Variants in OS9 observed in about 807,000 individuals in gnomAD.
OS9 encodes OS9 endoplasmic reticulum lectin.
OS9 carries 58 observed loss-of-function variants against 84.7 expected under a neutral mutation model. The observed-to-expected ratio is 0.68, with a 90% CI of 0.55 to 0.85. The LOEUF (loss-of-function observed/expected upper bound fraction) is 0.85. Among genes scored for constraint, OS9 ranks in the 40% least tolerant of loss-of-function variants. The pLI is 0.00. For synonymous variants in OS9, 278 were observed against 320.8 expected (o/e 0.87, Z 1.43); for missense variants, 760 against 850.9 (o/e 0.89, Z 1.33).
intron 5 of OS9, among the ~76,000 whole-genome samples, chr12:57,711,591 C>T (rs919329242): frequency 5.9e-5 from 9 of 152,030 alleles, no homozygotes; most frequent in Admixed American, 2.6e-4. Flanking sequence ...GTGATCTGCC[C>T]TCCTTGGCCT....
At chr12:57,711,830 A>G (rs1173778560) in intron 5 of OS9, among the ~76,000 whole-genome samples, 1 of 152,188 alleles carries the variant, frequency 6.6e-6, no homozygotes. Flanking sequence ...GGCTAATGCC[A>G]ATATTCCCAA....
At chr12:57,715,088 G>C (rs999100400) in intron 5 of OS9, among the ~76,000 whole-genome samples, 10 of 152,026 alleles carry the variant, frequency 6.6e-5, no homozygotes, top group African/African-American at 2.4e-4. Context: ...TACAGGCCAG[G>C]CCTTGTGGCT....
rs902625964 is a variant in OS9, at chr12:57,694,225, G to C, written c.64G>C (p.Ala22Pro). 4 of 1,614,058 alleles carry C rather than the reference G, an allele frequency of 2.5e-6. No individual in the cohort carries two copies. The highest frequency in any genetic ancestry group is 1.7e-5 in the Admixed American group (1 of 60,008). Residue 22 changes from alanine to proline, a missense_variant, in exon 1 of 15, where the codon GCA becomes CCA. Coordinates refer to ENST00000315970, the MANE Select transcript of OS9 (RefSeq NM_006812.4). ...GLLLLGLLLP[A>P]SLTGGVGSLN... ...GCTGCTTCTGGGACTCCTGTTACCC[G>C]CAAGTCTGACCGGCGGTGTCGGGAG...
intron 5 of OS9, among the ~76,000 whole-genome samples, chr12:57,707,926 A>G (rs967986301): frequency 8.6e-5 from 12 of 139,274 alleles, no homozygotes; most frequent in Admixed American, 7.1e-5. Context: ...CCCTGTCTCT[A>G]TGGAAAAAAA....
chr12:57,710,170 CT>C (rs1204831041), intron 5 of OS9, among the ~76,000 whole-genome samples: 1 of 152,122 alleles, frequency 6.6e-6, no homozygotes, highest in Non-Finnish European at 1.5e-5. Flanking sequence ...AGATTTTTAA[CT>C]ACTGATTCAT....
At chr12:57,716,059 T>G in intron 6 of OS9, 33 bp from the exon 7 acceptor site, 1 of 1,599,736 alleles carries the variant, frequency 6.3e-7, no homozygotes. Flanking sequence ...GAGGAATGTG[T>G]TCCTGGCCTG....
chr12:57,698,248 G>C (rs1953923759), intron 5 of OS9, among the ~76,000 whole-genome samples: 1 of 152,068 alleles, frequency 6.6e-6, no homozygotes, highest in Non-Finnish European at 1.5e-5. Context: ...TTAGTTAGTT[G>C]TGTTCCTTCA....
intron 5 of OS9, among the ~76,000 whole-genome samples, chr12:57,714,119 AG>A (rs1051093895): frequency 6.6e-6 from 1 of 151,998 alleles, no homozygotes; most frequent in South Asian, 2.1e-4. Context: ...AAAAAAAAAA[AG>A]ATTTAGTAGA....
At position 57,716,394 on chromosome 12, in the gene OS9, C is replaced by T. The variant is rs918624715; in HGVS notation, c.893-18C>T. 4.5e-6 allele frequency: 7 copies of T among 1,542,322 alleles called. No individual in the cohort carries two copies. Among genetic ancestry groups the T allele is most frequent in the Non-Finnish European group, 5.3e-6 (6 of 1,138,146 alleles). ...CCCCTCCTGTCAGATCAGTCTCTCC[C>T]TGTTCTCTGTACCCTAGGTGCGAGC... On this transcript the variant is annotated intron_variant, in intron 7 of 14. Transcript: ENST00000315970.
intron 5 of OS9, among the ~76,000 whole-genome samples, chr12:57,713,709 T>C (rs2140324138): frequency 6.6e-6 from 1 of 151,762 alleles, no homozygotes; most frequent in Non-Finnish European, 1.5e-5. Flanking sequence ...TTTTTTTTTT[T>C]TTTTTTTTAA....
Position 57,720,777 on chromosome 12 carries a change from C to A in OS9, c.1879-7C>A, listed in dbSNP as rs761074336. 2 of 1,600,304 alleles carry A rather than the reference C, an allele frequency of 1.2e-6. No individual in the cohort carries two copies. Among genetic ancestry groups the A allele is most frequent in the Admixed American group, 3.4e-5 (2 of 58,944 alleles). ...AGCTCCAGCCCACCTCTACCCTCTCCCACCAGGTGCCGGGAGCTGAAGAGG... is the reference window on the plus strand; with the variant it reads ...AGCTCCAGCCCACCTCTACCCTCTCACACCAGGTGCCGGGAGCTGAAGAGG... On this transcript the variant is annotated splice_region_variant and splice_polypyrimidine_tract_variant and intron_variant, in intron 14 of 14. Coordinates refer to ENST00000315970, the MANE Select transcript of OS9 (RefSeq NM_006812.4).
intron 9 of OS9, 118 bp downstream of exon 9, chr12:57,716,862 AT>A (rs1565780620): frequency 1.2e-6 from 1 of 844,464 alleles, no homozygotes; most frequent in Non-Finnish European, 2.0e-6. Flanking sequence ...CAGAAAATTC[AT>A]TTTTATAGGA....
chr12:57,701,658 C>A (rs112003859), intron 5 of OS9, among the ~76,000 whole-genome samples: 4,257 of 152,244 alleles, frequency 0.028, 157 homozygotes, highest in African/African-American at 0.083. Context: ...GGTTTCAACT[C>A]TAATGCCCTT....
intron 5 of OS9, among the ~76,000 whole-genome samples, chr12:57,698,916 T>C (rs1452962775): frequency 6.6e-6 from 1 of 152,114 alleles, no homozygotes; most frequent in African/African-American, 2.4e-5. Context: ...AATGATGACA[T>C]ATTCAGGTTT....
chr12:57,718,975 T>G lies in OS9; in HGVS notation c.1411-18T>G. 1 of 1,603,934 alleles carries G rather than the reference T, an allele frequency of 6.2e-7. No individual in the cohort carries two copies. Among genetic ancestry groups the G allele is most frequent in the Middle Eastern group, 2.0e-4 (1 of 5,074 alleles). On this transcript the variant is annotated intron_variant, in intron 11 of 14. Transcript: ENST00000315970. ...CACCCCAGACCCTTGACTCACTCTC[T>G]TCTCTTGGGTATTCCAGACAGAGAA...
chr12:57,701,953 T>G (rs554320173), intron 5 of OS9, among the ~76,000 whole-genome samples: 1 of 151,852 alleles, frequency 6.6e-6, no homozygotes. Flanking sequence ...CCTGCCACCA[T>G]GCCCAGCTAA....
intron 1 of OS9, 141 bp from the exon 2 acceptor site, chr12:57,694,609 C>T: frequency 4.6e-6 from 4 of 867,014 alleles, no homozygotes; most frequent in Non-Finnish European, 7.4e-6. Flanking sequence ...TCCTCTCACC[C>T]ACTAAATACA....
At chr12:57,720,020 A>G in intron 12 of OS9, 79 bp from the exon 13 acceptor site, 1 of 1,323,738 alleles carries the variant, frequency 7.6e-7, no homozygotes, top group South Asian at 1.3e-5. Context: ...CTGATGTTTT[A>G]GGGGGAGATG....
intron 5 of OS9, among the ~76,000 whole-genome samples, chr12:57,706,305 T>C (rs568425045): frequency 6.6e-6 from 1 of 151,496 alleles, no homozygotes; most frequent in Non-Finnish European, 1.5e-5. Flanking sequence ...TATTTTCTAG[T>C]TTTTTTTTAT....
Sources: allele counts gnomAD v4.1 joint callset (sites outside exome capture counted in the v4.1 genomes callset), GRCh38; gene constraint gnomAD v4.1.1; transcripts MANE v1.5; gene names NCBI Gene and HGNC (gene_info 2026-07-23, HGNC 2026-07-21).